Variants in NIPBL observed in about 807,000 individuals in gnomAD.
NIPBL encodes nipped-B-like protein.
Under a neutral mutation model 321.8 loss-of-function variants are expected in NIPBL, and 19 were observed. The ratio of observed to expected loss-of-function variants is 0.06; its 90% CI spans 0.04 to 0.09. The LOEUF (loss-of-function observed/expected upper bound fraction) is 0.09, where lower values mean the gene tolerates loss of function less well. Among genes scored for constraint, NIPBL ranks in the 10% least tolerant of loss-of-function variants. The pLI is 1.00. For missense variants in NIPBL, 2,210 were observed against 3,327.0 expected (o/e 0.66, Z 8.26); for synonymous variants, 1,106 against 1,114.1 (o/e 0.99, Z 0.14).
intron 1 of NIPBL, among the ~76,000 whole-genome samples, chr5:36,952,057 C>CGCGT (rs1740405803): frequency 1.3e-5 from 1 of 74,660 alleles, no homozygotes; most frequent in Non-Finnish European, 2.9e-5. Context: ...TGTGTGTGCG[C>CGCGT]GCGCGCGCGC....
intron 3 of NIPBL, among the ~76,000 whole-genome samples, chr5:36,956,414 A>T (rs1329088854): frequency 6.6e-6 from 1 of 152,014 alleles, no homozygotes; most frequent in Non-Finnish European, 1.5e-5. Context: ...AATGAGGATA[A>T]ACACATTATA....
intron 1 of NIPBL, among the ~76,000 whole-genome samples, chr5:36,915,703 C>A (rs1178947051): frequency 2.0e-5 from 3 of 152,030 alleles, no homozygotes; most frequent in South Asian, 2.1e-4. Flanking sequence ...CAATTATAAT[C>A]AAAAAATAGC....
intron 24 of NIPBL, among the ~76,000 whole-genome samples, chr5:37,018,178 G>A (rs572722804): frequency 6.6e-6 from 1 of 152,274 alleles, no homozygotes; most frequent in South Asian, 2.1e-4. Flanking sequence ...CCCTCCAGGT[G>A]ATTCTAATGA....
chr5:37,002,153 C>A (rs76489393), intron 14 of NIPBL, among the ~76,000 whole-genome samples: 50 of 152,208 alleles, frequency 3.3e-4, no homozygotes, highest in African/African-American at 1.1e-3. Context: ...AGAAAAGTCA[C>A]CAGAACTCAT....
intron 9 of NIPBL, chr5:36,982,138 T>A (rs1744218987): frequency 1.5e-6 from 1 of 673,534 alleles, no homozygotes; most frequent in Admixed American, 6.3e-5. Context: ...GAGATTATGA[T>A]AATCCTTTTG....
intron 21 of NIPBL, among the ~76,000 whole-genome samples, chr5:37,013,291 G>A (rs574454877): frequency 2.0e-5 from 3 of 150,884 alleles, no homozygotes; most frequent in Admixed American, 6.6e-5. Flanking sequence ...CTGGCCAGGC[G>A]GGGGGCTGAC....
chr5:37,021,341 A>T (rs904607401), intron 27 of NIPBL, among the ~76,000 whole-genome samples: 1 of 151,898 alleles, frequency 6.6e-6, no homozygotes, highest in Admixed American at 6.6e-5. Context: ...CCTTTTACAT[A>T]TTCTTGTTTT....
At chr5:37,051,635 A>T (rs988113004) in intron 40 of NIPBL, 144 bp from the exon 41 acceptor site, 2 of 641,136 alleles carry the variant, frequency 3.1e-6, no homozygotes, top group Non-Finnish European at 5.6e-6. Flanking sequence ...CTGTCATTTT[A>T]AAAAGAACAC....
At chr5:36,973,109 A>C (rs1743053691) in intron 8 of NIPBL, among the ~76,000 whole-genome samples, 1 of 152,158 alleles carries the variant, frequency 6.6e-6, no homozygotes, top group East Asian at 1.9e-4. Context: ...AAATAGCTTT[A>C]ATTATCAGTT....
At chr5:37,031,274 C>T (rs930075019) in intron 32 of NIPBL, among the ~76,000 whole-genome samples, 2 of 152,216 alleles carry the variant, frequency 1.3e-5, no homozygotes, top group African/African-American at 4.8e-5. Context: ...GCGCAAGCCA[C>T]CGTGCCTGGC....
intron 1 of NIPBL, among the ~76,000 whole-genome samples, chr5:36,910,273 A>C (rs1352772614): frequency 6.6e-6 from 1 of 152,188 alleles, no homozygotes; most frequent in East Asian, 1.9e-4. Context: ...TGGTCCTCCC[A>C]TCATTTTCCT....
At position 37,014,302 on chromosome 5, in the gene NIPBL, T is replaced by G. The variant is rs193233322; in HGVS notation, c.4561-381T>G. On this transcript the variant is annotated intron_variant, in intron 21 of 46. Transcript: ENST00000282516. ...AAATTTCTGATGAAGGCTTTGAATT[T>G]TTTTTTTTGATTGTATGGATTATAT... Among the ~76,000 whole-genome samples the G allele has an allele frequency of 6.2e-4, 95 of 152,178 alleles. 1 individual carries two copies. In the East Asian group the frequency reaches 0.016, roughly 26 times the overall value.
intron 1 of NIPBL, among the ~76,000 whole-genome samples, chr5:36,896,309 T>G (rs551486398): frequency 1.3e-5 from 2 of 152,242 alleles, no homozygotes; most frequent in African/African-American, 4.8e-5. Flanking sequence ...ACGCCAGTAC[T>G]ACACTGTCTT....
chr5:36,906,588 C>T (rs893829377), intron 1 of NIPBL, among the ~76,000 whole-genome samples: 5 of 152,080 alleles, frequency 3.3e-5, no homozygotes, highest in Non-Finnish European at 5.9e-5. Context: ...ACTTGCAAAA[C>T]GAAGTGAAGT....
chr5:37,051,774 TCCAG>T lies in NIPBL; in HGVS notation c.6955-4_6955-1del. On this transcript the variant is annotated splice_acceptor_variant and splice_polypyrimidine_tract_variant and intron_variant, in intron 40 of 46. Coordinates refer to ENST00000282516, the MANE Select transcript of NIPBL (RefSeq NM_133433.4). LOFTEE classifies it high-confidence loss of function. ...ATATCTCGTAATTTTTTTTTTTATT[TCCAG>T]TGTGTGCCATATTTAATTGCTATGG... 1 of 1,604,844 alleles carries T rather than the reference TCCAG, an allele frequency of 6.2e-7. No homozygotes were observed. Among genetic ancestry groups the T allele is most frequent in the African/African-American group, 1.3e-5 (1 of 74,836 alleles).
At chr5:36,932,073 G>A (rs1451837257) in intron 1 of NIPBL, among the ~76,000 whole-genome samples, 2 of 152,094 alleles carry the variant, frequency 1.3e-5, no homozygotes, top group East Asian at 1.9e-4. Context: ...ATTTCTTTCG[G>A]TTATGGGTTT....
In NIPBL at chr5:37,057,424, C is replaced by T. The variant is rs966050148; in HGVS notation, c.7410+92C>T. 3.2e-6 allele frequency: 4 copies of T among 1,239,050 alleles called. No homozygotes were observed. In the African/African-American group the frequency reaches 4.5e-5, roughly 14 times the overall value. The allele number at this position is 1,239,050 out of a possible 1,614,324, so 76.8% of individuals were successfully genotyped here. On this transcript the variant is annotated intron_variant, in intron 43 of 46. Coordinates refer to ENST00000282516, the MANE Select transcript of NIPBL (RefSeq NM_133433.4). Reference sequence around the variant, plus strand: ...TGTTTCTCATTATTCTTTTTATCCTCTTCACGAGTATATAAAATCTTTCTA... The same window carrying T: ...TGTTTCTCATTATTCTTTTTATCCTTTTCACGAGTATATAAAATCTTTCTA...
intron 1 of NIPBL, among the ~76,000 whole-genome samples, chr5:36,894,491 C>T (rs889866032): frequency 1.3e-5 from 2 of 151,986 alleles, no homozygotes; most frequent in South Asian, 2.1e-4. Context: ...ATAATATATT[C>T]GTATATACAA....
In NIPBL at chr5:37,020,897, C is replaced by A; in HGVS notation, c.5328+20C>A. On this transcript the variant is annotated intron_variant, in intron 27 of 46. Transcript: ENST00000282516. Reference sequence around the variant, plus strand: ...ACACAGGTAAACTGGATAAGAATTCCTTATACAGTGATATTGATTTTTCTG... The same window carrying A: ...ACACAGGTAAACTGGATAAGAATTCATTATACAGTGATATTGATTTTTCTG... 1 of 1,497,848 alleles carries A rather than the reference C, an allele frequency of 6.7e-7. No individual in the cohort carries two copies. The highest frequency in any genetic ancestry group is 1.4e-5 in the African/African-American group (1 of 72,658). The allele number at this position is 1,497,848 out of a possible 1,614,324, so 92.8% of individuals were successfully genotyped here. A position where few individuals can be genotyped will look rare whatever the true frequency, so the allele number is the denominator to read the frequency against.
Sources: allele counts gnomAD v4.1 joint callset (sites outside exome capture counted in the v4.1 genomes callset), GRCh38; gene constraint gnomAD v4.1.1; transcripts MANE v1.5; gene names NCBI Gene and HGNC (gene_info 2026-07-23, HGNC 2026-07-21).